The following KHDRBS2 variants were observed in gnomAD, a reference collection of about 807,000 sequenced individuals.
KHDRBS2 encodes the protein KH domain-containing, RNA-binding, signal transduction-associated protein 2.
In KHDRBS2, 26 loss-of-function variants were observed where a neutral mutation model predicts 44.3. The ratio of observed to expected loss-of-function variants is 0.59; its 90% confidence interval spans 0.43 to 0.81. The LOEUF is 0.81. Ranked by LOEUF, KHDRBS2 falls within the 40% of genes least tolerant of loss-of-function variation. The pLI, the probability that KHDRBS2 is intolerant of heterozygous loss-of-function variation, is 0.00. For missense variants in KHDRBS2, 476 were observed against 433.1 expected (o/e 1.10, Z -0.88); for synonymous variants, 194 against 151.1 (o/e 1.28, Z -2.08).
the KHDRBS2 span, among the ~76,000 whole-genome samples, chr6:61,639,158 C>T: frequency 1.3e-5 from 2 of 152,078 alleles, no homozygotes; most frequent in Non-Finnish European, 2.9e-5. Flanking sequence ...AATTAAATAT[C>T]TATGTTTACA....
chr6:62,202,801 G>T (rs1469366581), intron 1 of KHDRBS2, among the ~76,000 whole-genome samples: 1 of 152,102 alleles, frequency 6.6e-6, no homozygotes, highest in Non-Finnish European at 1.5e-5. Context: ...TTCAAAGGAG[G>T]CAATCTCAAG....
chr6:62,121,973 CACA>C (rs976275259), intron 2 of KHDRBS2, among the ~76,000 whole-genome samples: 5 of 152,036 alleles, frequency 3.3e-5, no homozygotes, highest in African/African-American at 9.7e-5. Context: ...AAGAAAGAGG[CACA>C]ACACCTAGTG....
At chr6:61,632,965 A>G in the KHDRBS2 span, among the ~76,000 whole-genome samples, 1 of 152,162 alleles carries the variant, frequency 6.6e-6, no homozygotes, top group Non-Finnish European at 1.5e-5. Flanking sequence ...AAAAGAACTG[A>G]GTAAAAGCCT....
intron 6 of KHDRBS2, among the ~76,000 whole-genome samples, chr6:61,779,962 A>G (rs554818559): frequency 1.3e-5 from 2 of 152,264 alleles, no homozygotes; most frequent in East Asian, 3.9e-4. Context: ...TATTGTAGCA[A>G]TTTATTTCCT....
chr6:61,586,907 T>C, the KHDRBS2 span, among the ~76,000 whole-genome samples: 2 of 152,280 alleles, frequency 1.3e-5, no homozygotes, highest in East Asian at 3.9e-4. Flanking sequence ...CTAATATAAA[T>C]AGGGTTTTTG....
In KHDRBS2 at chr6:62,150,592, G is replaced by T. The variant is rs1180094150; in HGVS notation, c.219+26593C>A. On this transcript the variant is annotated intron_variant, in intron 2 of 8. Coordinates refer to ENST00000281156, the MANE Select transcript of KHDRBS2 (RefSeq NM_152688.4). ...TAATGTTTTATTTTCTTTCTAAATG[G>T]TGTTCCACTAAAGATTGGAATCTGA... is the stretch of plus-strand genomic sequence containing the variant. Among the ~76,000 whole-genome samples, 134 of 152,240 alleles carry T rather than the reference G, an allele frequency of 8.8e-4. 1 individual carries two copies. The highest frequency in any genetic ancestry group is 1.8e-4 in the Non-Finnish European group (12 of 68,004).
chr6:61,889,228 C>T (rs889221355), intron 6 of KHDRBS2, among the ~76,000 whole-genome samples: 1 of 152,022 alleles, frequency 6.6e-6, no homozygotes, highest in East Asian at 1.9e-4. Flanking sequence ...GAGGCTGAAA[C>T]GATTATTCCC....
chr6:61,727,473 T>C (rs1425996498), intron 7 of KHDRBS2, among the ~76,000 whole-genome samples: 1 of 151,830 alleles, frequency 6.6e-6, no homozygotes, highest in African/African-American at 2.4e-5. Context: ...AAATAAACTA[T>C]CATCAGAACG....
At chr6:62,236,816 C>T (rs1050471913) in intron 1 of KHDRBS2, among the ~76,000 whole-genome samples, 1 of 151,832 alleles carries the variant, frequency 6.6e-6, no homozygotes, top group Non-Finnish European at 1.5e-5. Flanking sequence ...ATGTGCTTGG[C>T]GTAACTTACA....
intron 2 of KHDRBS2, among the ~76,000 whole-genome samples, chr6:62,171,228 A>G (rs1819932585): frequency 6.6e-6 from 1 of 151,430 alleles, no homozygotes. Context: ...TAAGGAATAC[A>G]AAAAAAGAAC....
chr6:62,102,670 G>T (rs1366887559), intron 2 of KHDRBS2, among the ~76,000 whole-genome samples: 1 of 152,136 alleles, frequency 6.6e-6, no homozygotes, highest in Non-Finnish European at 1.5e-5. Flanking sequence ...GTCACATGGG[G>T]TGGCTGCCAG....
chr6:62,067,039 A>C (rs1190451227), intron 2 of KHDRBS2, among the ~76,000 whole-genome samples: 4 of 151,576 alleles, frequency 2.6e-5, no homozygotes, highest in African/African-American at 9.7e-5. Context: ...ATTTTAACTT[A>C]ATATTTTAAG....
chr6:62,154,848 C>A (rs905134524), intron 2 of KHDRBS2, among the ~76,000 whole-genome samples: 1 of 152,094 alleles, frequency 6.6e-6, no homozygotes. Flanking sequence ...CACAATTAAA[C>A]CAAAACAGGT....
intron 1 of KHDRBS2, among the ~76,000 whole-genome samples, chr6:62,257,457 T>G (rs779147288): frequency 1.3e-5 from 2 of 152,134 alleles, no homozygotes; most frequent in African/African-American, 2.4e-5. Flanking sequence ...TTATTCTTTA[T>G]AGCTGCATGA....
chr6:61,736,413 G>A (rs1364732722), intron 6 of KHDRBS2, among the ~76,000 whole-genome samples: 4 of 151,964 alleles, frequency 2.6e-5, no homozygotes, highest in African/African-American at 9.7e-5. Flanking sequence ...ACTCTATCTT[G>A]AGGATCTGCC....
intron 4 of KHDRBS2, among the ~76,000 whole-genome samples, chr6:61,928,800 T>C (rs1329568440): frequency 1.3e-5 from 2 of 152,114 alleles, no homozygotes; most frequent in Non-Finnish European, 2.9e-5. Context: ...AGATAATTTA[T>C]GATATATCCC....
At chr6:61,946,601 G>A (rs1813416219) in intron 4 of KHDRBS2, among the ~76,000 whole-genome samples, 1 of 152,070 alleles carries the variant, frequency 6.6e-6, no homozygotes, top group South Asian at 2.1e-4. Flanking sequence ...TTTAATGGAG[G>A]GGCTATTTGA....
chr6:62,053,156 T>C (rs1446826033), intron 2 of KHDRBS2, among the ~76,000 whole-genome samples: 2 of 152,000 alleles, frequency 1.3e-5, no homozygotes, highest in South Asian at 2.1e-4. Flanking sequence ...CATAAAATCA[T>C]AATGAAATGT....
intron 2 of KHDRBS2, among the ~76,000 whole-genome samples, chr6:62,075,651 T>C (rs1796181156): frequency 6.6e-6 from 1 of 151,980 alleles, no homozygotes; most frequent in South Asian, 2.1e-4. Context: ...GCTTTCTTTG[T>C]GTAGCTGGCA....
Sources: allele counts gnomAD v4.1 joint callset (sites outside exome capture counted in the v4.1 genomes callset), GRCh38; gene constraint gnomAD v4.1.1; transcripts MANE v1.5; gene names NCBI Gene and HGNC (gene_info 2026-07-23, HGNC 2026-07-21).